Variants in ANGEL2 observed in about 807,000 individuals in gnomAD.
ANGEL2 encodes the protein angel homolog 2.
In ANGEL2, 41 loss-of-function variants were observed where a neutral mutation model predicts 66.0. The ratio of observed to expected loss-of-function variants is 0.62; its 90% confidence interval spans 0.48 to 0.81. The LOEUF (loss-of-function observed/expected upper bound fraction) is 0.81, where lower values mean the gene tolerates loss of function less well. Ranked by LOEUF, ANGEL2 falls within the 30% of genes least tolerant of loss-of-function variation. The pLI is 0.00. For synonymous variants in ANGEL2, 208 were observed against 226.5 expected (o/e 0.92, Z 0.73); for missense variants, 561 against 641.6 (o/e 0.87, Z 1.36).
In ANGEL2 at chr1:212,992,484, T is replaced by C. The variant is rs2075883624; in HGVS notation, c.*2557A>G. 3 of 152,230 alleles carry C rather than the reference T, an allele frequency of 2.0e-5. No individual in the cohort carries two copies. The allele number at this position is 152,230 out of a possible 1,614,324, so 9.4% of individuals were successfully genotyped here. ...GGTTTCAGGCATTAACCAGATTTAA[T>C]TGTTTTTGGCAGGTAAGTACAGGCT... On this transcript the variant is annotated 3_prime_UTR_variant, in exon 9 of 9. Transcript: ENST00000366962.
intron 4 of ANGEL2, among the ~76,000 whole-genome samples, chr1:213,006,260 G>A (rs150316187): frequency 6.6e-6 from 1 of 152,132 alleles, no homozygotes; most frequent in Non-Finnish European, 1.5e-5. Flanking sequence ...AGGAGATCAA[G>A]GCCATCCTGG....
At chr1:213,004,963 G>T in intron 5 of ANGEL2, 70 bp downstream of exon 5, 1 of 1,193,088 alleles carries the variant, frequency 8.4e-7, no homozygotes, top group Non-Finnish European at 1.1e-6. Context: ...GCCATGTAAT[G>T]ACTATCTTCA....
chr1:212,994,896 CT>C lies in ANGEL2; in HGVS notation c.*144del, dbSNP rs2075954714. The C allele has an allele frequency of 4.9e-6, 3 of 606,690 alleles. No individual in the cohort carries two copies. The highest frequency in any genetic ancestry group is 2.4e-6 in the Non-Finnish European group (1 of 409,672). The allele number at this position is 606,690 out of a possible 1,614,324, so 37.6% of individuals were successfully genotyped here. On this transcript the variant is annotated 3_prime_UTR_variant, in exon 9 of 9. Coordinates refer to ENST00000366962, the MANE Select transcript of ANGEL2 (RefSeq NM_144567.5). The stretch of plus-strand genomic sequence containing the variant: ...AAAAATTGTTATAAAGTTATTTCTT[CT>C]GATATGGAGTTTCAAAGCATCTAAC...
rs1255773432 is a variant in ANGEL2, at chr1:213,005,073, T to G, written c.1094A>C (p.Lys365Thr). The G allele has an allele frequency of 1.3e-6, 2 of 1,585,418 alleles. No individual in the cohort carries two copies. Among genetic ancestry groups the G allele is most frequent in the Admixed American group, 3.7e-5 (2 of 53,508 alleles). ...VPGSPLYSFIKEGKLNYEGLP... is the reference protein window; with the variant it reads ...VPGSPLYSFITEGKLNYEGLP... ...TCCTTCATAATTCAATTTTCCTTCC[T>G]TTATGAAACTATATAGTGGAGAACC... The change falls in exon 5 of 9, where the codon AAG (lysine) becomes ACG (threonine). Residue 365 changes from lysine (K) to threonine (T), a missense_variant. Lys to Thr is a moderately conservative substitution (Grantham distance 78). Transcript: ENST00000366962.
At chr1:213,000,698 G>T in intron 6 of ANGEL2, 88 bp downstream of exon 6, 1 of 1,403,478 alleles carries the variant, frequency 7.1e-7, no homozygotes, top group East Asian at 2.5e-5. Flanking sequence ...TCATCCCTGA[G>T]ATTTTTTCTT....
At chr1:213,004,580 C>T (rs1473938939) in intron 5 of ANGEL2, among the ~76,000 whole-genome samples, 3 of 151,218 alleles carry the variant, frequency 2.0e-5, no homozygotes, top group Non-Finnish European at 4.4e-5. Context: ...TAATTACTTA[C>T]TAGAAGAAGC....
At chr1:213,012,759 A>C (rs533592441) in intron 2 of ANGEL2, among the ~76,000 whole-genome samples, 3 of 152,350 alleles carry the variant, frequency 2.0e-5, no homozygotes, top group Non-Finnish European at 2.9e-5. Context: ...TCAATTTCTA[A>C]GAAGTCTAAG....
chr1:213,011,492 T>C (rs977396318), intron 2 of ANGEL2: 1 of 1,083,560 alleles, frequency 9.2e-7, no homozygotes, highest in African/African-American at 1.7e-5. Context: ...AGTCAGGTTG[T>C]AATCAAGCTT....
rs1221773114 is a variant in ANGEL2 at position 213,005,031 on chromosome 1, AC to A, written c.1134+1del. 3 of 1,540,438 alleles carry A rather than the reference AC, an allele frequency of 1.9e-6. No individual in the cohort carries two copies. Among genetic ancestry groups the A allele is most frequent in the Non-Finnish European group, 1.7e-6 (2 of 1,150,394 alleles). ...CCTAATAACAATGAAGAAAGCACTTACCTTTCCTATGGGAAGTCCTTCATAA... is the reference window on the plus strand; with the variant it reads ...CCTAATAACAATGAAGAAAGCACTTACTTTCCTATGGGAAGTCCTTCATAA... On this transcript the variant is annotated splice_donor_variant, in intron 5 of 8. Transcript: ENST00000366962. LOFTEE classifies it high-confidence loss of function.
At chr1:213,014,627 T>A (rs2148185383) in intron 1 of ANGEL2, among the ~76,000 whole-genome samples, 1 of 152,380 alleles carries the variant, frequency 6.6e-6, no homozygotes, top group African/African-American at 2.4e-5. Context: ...TGCAGTTATT[T>A]ATTCAGACTT....
chr1:213,015,311 C>T (rs959062868), intron 1 of ANGEL2: 6 of 1,320,908 alleles, frequency 4.5e-6, no homozygotes, highest in Non-Finnish European at 5.8e-6. Flanking sequence ...GGTCTGGAGG[C>T]TGGGTTGGGG....
intron 7 of ANGEL2, among the ~76,000 whole-genome samples, chr1:212,998,094 T>A (rs2076074250): frequency 1.3e-5 from 2 of 152,002 alleles, no homozygotes; most frequent in Non-Finnish European, 2.9e-5. Context: ...ATTTATAATA[T>A]TAAACATAAA....
chr1:213,003,739 C>G (rs1357437459), intron 5 of ANGEL2, among the ~76,000 whole-genome samples: 1 of 152,048 alleles, frequency 6.6e-6, no homozygotes, highest in Non-Finnish European at 1.5e-5. Context: ...GTGACAGAGA[C>G]AGGAATTGAG....
At chr1:213,001,021 C>T in intron 5 of ANGEL2, 109 bp from the exon 6 acceptor site, 1 of 1,045,154 alleles carries the variant, frequency 9.6e-7, no homozygotes, top group Non-Finnish European at 1.4e-6. Context: ...AAATTATTAC[C>T]CTTTATTCAT....
chr1:213,011,312 T>G, intron 2 of ANGEL2: 1 of 1,271,522 alleles, frequency 7.9e-7, no homozygotes, highest in South Asian at 1.3e-5. Flanking sequence ...AATTACAAAG[T>G]CATAATTGTA....
chr1:213,011,360 G>T (rs2076504223), intron 2 of ANGEL2: 1 of 1,170,114 alleles, frequency 8.5e-7, no homozygotes, highest in Admixed American at 3.8e-5. Context: ...AAAGTGATAG[G>T]CAAGTTAGCA....
chr1:213,004,193 T>C (rs1042751607), intron 5 of ANGEL2, among the ~76,000 whole-genome samples: 2 of 150,604 alleles, frequency 1.3e-5, no homozygotes, highest in African/African-American at 2.4e-5. Context: ...AGAGCAAGAC[T>C]CCATCTCAAA....
At chr1:213,008,158 C>A in intron 3 of ANGEL2, 52 bp downstream of exon 3, 1 of 1,574,066 alleles carries the variant, frequency 6.4e-7, no homozygotes. Flanking sequence ...GCCAGTGTGC[C>A]CGGCCCCAAC....
intron 4 of ANGEL2, 31 bp downstream of exon 4, chr1:213,007,098 A>AG: frequency 6.9e-7 from 1 of 1,445,462 alleles, no homozygotes; most frequent in Non-Finnish European, 9.5e-7. Flanking sequence ...GTCTCAAAAA[A>AG]GAAAAAAAAA....
Sources: allele counts gnomAD v4.1 joint callset (sites outside exome capture counted in the v4.1 genomes callset), GRCh38; gene constraint gnomAD v4.1.1; transcripts MANE v1.5; gene names NCBI Gene and HGNC (gene_info 2026-07-23, HGNC 2026-07-21).